GFRA1: variants seen among roughly 807,000 people sequenced by gnomAD.
GFRA1 encodes GDNF family receptor alpha-1.
GFRA1 carries 16 observed loss-of-function variants against 51.6 expected under a neutral mutation model. That is an observed-to-expected ratio of 0.31 (90% CI 0.21 to 0.47). The LOEUF (loss-of-function observed/expected upper bound fraction) is 0.47, where lower values mean the gene tolerates loss of function less well. GFRA1 is among the 20% of genes least tolerant of loss of function. The pLI is 1.00. For missense variants in GFRA1, 530 were observed against 594.3 expected (o/e 0.89, Z 1.13); for synonymous variants, 270 against 241.3 (o/e 1.12, Z -1.10).
intron 5 of GFRA1, among the ~76,000 whole-genome samples, chr10:116,170,538 C>T (rs1441395075): frequency 6.6e-6 from 1 of 152,118 alleles, no homozygotes; most frequent in African/African-American, 2.4e-5. Context: ...GAGCAGAAGT[C>T]TCTTTGGACT....
At chr10:116,122,950 T>G (rs1274070838) in intron 6 of GFRA1, among the ~76,000 whole-genome samples, 2 of 152,190 alleles carry the variant, frequency 1.3e-5, no homozygotes, top group East Asian at 3.9e-4. Context: ...TTAAGCCAAG[T>G]AAGACCCTAG....
chr10:116,244,471 T>C (rs1029854387), intron 4 of GFRA1, among the ~76,000 whole-genome samples: 3 of 133,012 alleles, frequency 2.3e-5, no homozygotes, highest in East Asian at 4.5e-4. Context: ...TTTTAATATA[T>C]AATAAATTTT....
intron 9 of GFRA1, among the ~76,000 whole-genome samples, chr10:116,088,748 G>T (rs931310006): frequency 1.3e-5 from 2 of 151,642 alleles, no homozygotes; most frequent in African/African-American, 4.8e-5. Flanking sequence ...GTGAAACCAC[G>T]TCTCTACCAA....
At chr10:116,077,083 G>A (rs913100519) in intron 9 of GFRA1, among the ~76,000 whole-genome samples, 2 of 152,124 alleles carry the variant, frequency 1.3e-5, no homozygotes, top group African/African-American at 2.4e-5. Flanking sequence ...AGGAGCTGGG[G>A]TTCAGGCAGT....
intron 4 of GFRA1, among the ~76,000 whole-genome samples, chr10:116,223,012 A>T (rs10736246): frequency 0.77 from 116,493 of 152,118 alleles, 44,667 homozygotes; most frequent in East Asian, 0.84. Context: ...GATGTGCATA[A>T]GCAAGTAATT....
chr10:116,221,674 C>T (rs538570471), intron 4 of GFRA1, among the ~76,000 whole-genome samples: 1 of 152,174 alleles, frequency 6.6e-6, no homozygotes, highest in South Asian at 2.1e-4. Context: ...ATCTGCCCAC[C>T]CTGGCCTCTC....
intron 5 of GFRA1, among the ~76,000 whole-genome samples, chr10:116,205,610 T>G (rs1278980773): frequency 2.2e-5 from 2 of 89,668 alleles, no homozygotes; most frequent in South Asian, 4.3e-4. Context: ...TATATATATA[T>G]ATATATATAT....
chr10:116,191,601 G>C (rs1167400443), intron 5 of GFRA1, among the ~76,000 whole-genome samples: 1 of 152,180 alleles, frequency 6.6e-6, no homozygotes, highest in Non-Finnish European at 1.5e-5. Context: ...CTTTTAACTA[G>C]ACTGTCTCCT....
At position 116,089,919 on chromosome 10, in the gene GFRA1, T is replaced by C. The variant is rs1197771064; in HGVS notation, c.1019A>G (p.Asn340Ser). 5 of 1,611,892 alleles carry C rather than the reference T, an allele frequency of 3.1e-6. No individual in the cohort carries two copies. The South Asian group carries it at 5.5e-5, about 18-fold the overall frequency. The change falls in exon 9 of 11, where the codon AAT (asparagine) becomes AGT (serine). Residue 340 changes from asparagine to serine, a missense_variant. Coordinates refer to ENST00000355422, the MANE Select transcript of GFRA1 (RefSeq NM_005264.8). Reference sequence around the variant, plus strand: ...GCCATTGCCAAAGGCTTGAATTGCATTTTCTGCAGTAAAACAGGAGGAAAT... The same window carrying C: ...GCCATTGCCAAAGGCTTGAATTGCACTTTCTGCAGTAAAACAGGAGGAAAT... ...NFFKDNTCLK[N>S]AIQAFGNGSD...
At chr10:116,073,258 C>T (rs952145197) in intron 9 of GFRA1, among the ~76,000 whole-genome samples, 39 of 152,238 alleles carry the variant, frequency 2.6e-4, no homozygotes, top group African/African-American at 9.2e-4. Context: ...TGCGTGCAGA[C>T]TCTGTCTACA....
intron 5 of GFRA1, among the ~76,000 whole-genome samples, chr10:116,199,281 C>A (rs1390176495): frequency 6.6e-6 from 1 of 152,186 alleles, no homozygotes; most frequent in Non-Finnish European, 1.5e-5. Flanking sequence ...TGGCCCTAAG[C>A]CTTCTTCTCA....
chr10:116,083,047 G>A (rs2133842732), intron 9 of GFRA1, among the ~76,000 whole-genome samples: 1 of 152,306 alleles, frequency 6.6e-6, no homozygotes, highest in East Asian at 1.9e-4. Flanking sequence ...GTGTTTTACA[G>A]CAGAGATTCA....
At chr10:116,146,641 G>C (rs569902270) in intron 5 of GFRA1, among the ~76,000 whole-genome samples, 1 of 152,268 alleles carries the variant, frequency 6.6e-6, no homozygotes, top group African/African-American at 2.4e-5. Context: ...CAATAACTTA[G>C]CAATACACAG....
chr10:116,104,166 G>A lies in GFRA1; in HGVS notation c.771-7402C>T, dbSNP rs143049323. 1.8e-3 allele frequency among the ~76,000 whole-genome samples: 271 copies of A among 152,350 alleles called. 1 individual carries two copies. The highest frequency in any genetic ancestry group is 6.4e-3 in the African/African-American group (268 of 41,580). On this transcript the variant is annotated intron_variant, in intron 6 of 10. Coordinates refer to ENST00000355422, the MANE Select transcript of GFRA1 (RefSeq NM_005264.8). The stretch of plus-strand genomic sequence containing the variant: ...GATTATTAAAGCCTCGCCAACTGAT[G>A]TGCGTATGGCAGTTTAGCAAGACAG...
At chr10:116,146,275 T>C (rs1411301637) in intron 5 of GFRA1, among the ~76,000 whole-genome samples, 1 of 152,178 alleles carries the variant, frequency 6.6e-6, no homozygotes, top group Non-Finnish European at 1.5e-5. Flanking sequence ...AGAAAAAGAA[T>C]AGAGAAATTT....
intron 5 of GFRA1, among the ~76,000 whole-genome samples, chr10:116,190,744 T>C (rs1222590740): frequency 6.6e-6 from 1 of 152,210 alleles, no homozygotes; most frequent in Non-Finnish European, 1.5e-5. Flanking sequence ...GAAAGCTAGA[T>C]CTGTCTCTGT....
intron 5 of GFRA1, among the ~76,000 whole-genome samples, chr10:116,144,021 A>G (rs749200016): frequency 6.6e-6 from 1 of 152,190 alleles, no homozygotes; most frequent in Non-Finnish European, 1.5e-5. Context: ...TTTTTTGAGC[A>G]TAACAGTCCC....
intron 4 of GFRA1, among the ~76,000 whole-genome samples, chr10:116,235,399 T>C (rs1186718150): frequency 6.6e-6 from 1 of 152,030 alleles, no homozygotes; most frequent in African/African-American, 2.4e-5. Flanking sequence ...AAAACGGTAT[T>C]GACAATATCT....
Position 116,196,416 on chromosome 10 carries a change from G to A in GFRA1, c.433+15215C>T, listed in dbSNP as rs899009913. On this transcript the variant is annotated intron_variant, in intron 5 of 10. Transcript: ENST00000355422. ...AGGCAGGAGAATCGCTTGAACCTGA[G>A]AGGTGGAGGTTGCAGTGAGATGAGA... is the stretch of plus-strand genomic sequence containing the variant. Among the ~76,000 whole-genome samples, 5 of 149,440 alleles carry A rather than the reference G, an allele frequency of 3.3e-5. No homozygotes were observed. In the Admixed American group the frequency reaches 3.4e-4, roughly 10 times the overall value.
Sources: gnomAD v4.1 joint callset for allele counts (sites outside exome capture counted in the v4.1 genomes callset) on GRCh38, gnomAD v4.1.1 for gene constraint, MANE v1.5 for transcripts, NCBI Gene and HGNC (gene_info 2026-07-23, HGNC 2026-07-21) for gene names.